EXTL3: variants seen among roughly 807,000 people sequenced by gnomAD.
The protein encoded by EXTL3 is exostosin-like 3.
EXTL3 carries 27 observed loss-of-function variants against 69.3 expected under a neutral mutation model. That is an observed-to-expected ratio of 0.39 (90% CI 0.29 to 0.54). The LOEUF is 0.54. Ranked by LOEUF, EXTL3 falls within the 20% of genes least tolerant of loss-of-function variation. The probability of loss-of-function intolerance (pLI) is 0.69; values close to 1 mark genes in which losing one functional copy is unlikely to be tolerated. For synonymous variants in EXTL3, 511 were observed against 499.4 expected (o/e 1.02, Z -0.31); for missense variants, 1,003 against 1,231.8 (o/e 0.81, Z 2.78).
intron 2 of EXTL3, among the ~76,000 whole-genome samples, chr8:28,610,578 G>T (rs4517076): frequency 0.29 from 43,715 of 151,810 alleles, 6,446 homozygotes; most frequent in African/African-American, 0.33. Flanking sequence ...CAGTTATCGG[G>T]CGCTTTCATG....
chr8:28,657,411 C>G (rs1471198779), intron 1 of EXTL3, among the ~76,000 whole-genome samples: 1 of 152,240 alleles, frequency 6.6e-6, no homozygotes, highest in East Asian at 1.9e-4. Context: ...GCACCTTGGA[C>G]AGCTCCACTC....
rs140269142 is a variant in EXTL3 at position 28,705,217 on chromosome 8, G to A, written c.-570+3558G>A. On this transcript the variant is annotated intron_variant, in intron 1 of 6. Coordinates refer to ENST00000220562, the MANE Select transcript of EXTL3 (RefSeq NM_001440.4). ...TGGGAGCAAGGCAATTGTCAGTGAGGGCCTAGAGTCTAAAAGGATCTTTGA... is the reference window on the plus strand; with the variant it reads ...TGGGAGCAAGGCAATTGTCAGTGAGAGCCTAGAGTCTAAAAGGATCTTTGA... Among the ~76,000 whole-genome samples the A allele has an allele frequency of 1.4e-3, 217 of 152,248 alleles. 2 individuals are homozygous for A. The highest frequency in any genetic ancestry group is 4.9e-3 in the African/African-American group (204 of 41,540).
intron 1 of EXTL3, among the ~76,000 whole-genome samples, chr8:28,666,148 C>A (rs953936869): frequency 6.6e-6 from 1 of 152,174 alleles, no homozygotes; most frequent in Non-Finnish European, 1.5e-5. Flanking sequence ...ATGCCTTTTT[C>A]ATCATTTCAA....
chr8:28,627,806 A>G (rs1041761323), intron 1 of EXTL3, among the ~76,000 whole-genome samples: 1 of 152,202 alleles, frequency 6.6e-6, no homozygotes, highest in African/African-American at 2.4e-5. Flanking sequence ...CCTTAAGGAC[A>G]TCATGCTAAG....
At chr8:28,756,243 C>T (rs897715017), downstream of EXTL3, among the ~76,000 whole-genome samples, 2 of 152,220 alleles carry the variant, frequency 1.3e-5, no homozygotes, top group South Asian at 4.1e-4. Flanking sequence ...CTCCTTCCTC[C>T]TAGTCAGTCC....
chr8:28,624,908 TA>T (rs977008231), intron 1 of EXTL3, among the ~76,000 whole-genome samples: 2 of 152,098 alleles, frequency 1.3e-5, no homozygotes, highest in African/African-American at 2.4e-5. Flanking sequence ...ATGGGCTAAC[TA>T]AAAAAATAAG....
intron 1 of EXTL3, among the ~76,000 whole-genome samples, chr8:28,651,342 CAA>C (rs951182345): frequency 5.9e-5 from 9 of 151,966 alleles, no homozygotes. Context: ...CTGTTTTTTT[CAA>C]AGACAGGGTC....
At chr8:28,651,899 T>C (rs897004134) in intron 1 of EXTL3, among the ~76,000 whole-genome samples, 4 of 152,210 alleles carry the variant, frequency 2.6e-5, no homozygotes, top group Non-Finnish European at 4.4e-5. Context: ...TTGCGTCTCT[T>C]CCTATATGTG....
At chr8:28,737,078 G>A (rs1801668006) in intron 4 of EXTL3, among the ~76,000 whole-genome samples, 1 of 152,198 alleles carries the variant, frequency 6.6e-6, no homozygotes. Flanking sequence ...CCCAAGTGCT[G>A]AGGTTACAGG....
At chr8:28,639,228 G>A (rs1004136855) in intron 1 of EXTL3, among the ~76,000 whole-genome samples, 4 of 152,068 alleles carry the variant, frequency 2.6e-5, no homozygotes, top group African/African-American at 7.2e-5. Context: ...GAGCCACCGC[G>A]CCTGGCCAGG....
intron 1 of EXTL3, among the ~76,000 whole-genome samples, chr8:28,707,920 C>G (rs1000666739): frequency 6.6e-6 from 1 of 152,156 alleles, no homozygotes; most frequent in Non-Finnish European, 1.5e-5. Context: ...CTTCTGGGCC[C>G]AGGTTTGTTG....
chr8:28,673,930 A>G (rs936482509), intron 1 of EXTL3, among the ~76,000 whole-genome samples: 9 of 152,224 alleles, frequency 5.9e-5, no homozygotes, highest in African/African-American at 2.2e-4. Context: ...AAAGGCACTA[A>G]TGACTGTATT....
chr8:28,621,801 T>C (rs1352340505), upstream of EXTL3, among the ~76,000 whole-genome samples: 1 of 152,216 alleles, frequency 6.6e-6, no homozygotes, highest in Non-Finnish European at 1.5e-5. Flanking sequence ...TTCTTCTGTT[T>C]GTGGACACGC....
At chr8:28,648,638 CT>C (rs1228649127) in intron 1 of EXTL3, among the ~76,000 whole-genome samples, 1 of 152,310 alleles carries the variant, frequency 6.6e-6, no homozygotes, top group African/African-American at 2.4e-5. Flanking sequence ...CCCTCCCTCC[CT>C]TCCAGAGGCC....
Position 28,713,438 on chromosome 8 carries a change from G to GT in EXTL3, c.-569-8dup, listed in dbSNP as rs903746640. 0.039 allele frequency: 17,800 copies of GT among 454,734 alleles called. No homozygotes were observed. The highest frequency in any genetic ancestry group is 0.069 in the South Asian group (2,665 of 38,690). 28.2% of individuals were successfully genotyped at this position (454,734 alleles called of 1,614,324 possible). Reference sequence around the variant, plus strand: ...TGTCACTGTTCTATTTTTGTTTTTTGTTTTTTTTTTTAAATCAGGAGAGCA... The same window carrying GT: ...TGTCACTGTTCTATTTTTGTTTTTTGTTTTTTTTTTTTAAATCAGGAGAGCA... On this transcript the variant is annotated intron_variant, in intron 1 of 6. Transcript: ENST00000220562.
chr8:28,725,954 G>GT lies in EXTL3; in HGVS notation c.2149-5252dup, dbSNP rs1040073259. ...GATCTGTGAGTCTGCATTTAGAAGTGTTTTTTTTTTTTTTTTTCCGAGATG... is the reference window on the plus strand; with the variant it reads ...GATCTGTGAGTCTGCATTTAGAAGTGTTTTTTTTTTTTTTTTTTCCGAGATG... On this transcript the variant is annotated intron_variant, in intron 3 of 6. Coordinates refer to ENST00000220562, the MANE Select transcript of EXTL3 (RefSeq NM_001440.4). Among the ~76,000 whole-genome samples the GT allele has an allele frequency of 8.2e-3, 1,086 of 133,104 alleles. 5 individuals carry two copies. The highest frequency in any genetic ancestry group is 0.026 in the East Asian group (122 of 4,616). The allele number at this position is 133,104 out of a possible 152,430, so 87.3% of individuals were successfully genotyped here.
At chr8:28,737,785 G>A in intron 5 of EXTL3, 122 bp downstream of exon 5, 1 of 1,180,912 alleles carries the variant, frequency 8.5e-7, no homozygotes, top group Non-Finnish European at 1.3e-6. Flanking sequence ...TGTGCTAGAA[G>A]TCAGTTTTTT....
At chr8:28,733,870 T>A (rs1228255525) in intron 4 of EXTL3, among the ~76,000 whole-genome samples, 1 of 150,278 alleles carries the variant, frequency 6.7e-6, no homozygotes, top group Non-Finnish European at 1.5e-5. Flanking sequence ...CAGGCTGGAG[T>A]GCAGTGGTGT....
intron 1 of EXTL3, among the ~76,000 whole-genome samples, chr8:28,647,534 T>C (rs2118338): frequency 0.064 from 9,716 of 152,188 alleles, 897 homozygotes; most frequent in African/African-American, 0.2. Flanking sequence ...AGAGAGGTTA[T>C]GTTAAGTTCA....
Sources: allele counts gnomAD v4.1 joint callset (sites outside exome capture counted in the v4.1 genomes callset), GRCh38; gene constraint gnomAD v4.1.1; transcripts MANE v1.5; gene names NCBI Gene and HGNC (gene_info 2026-07-23, HGNC 2026-07-21).